Variants in ZNF678 observed in about 807,000 individuals in gnomAD.
The protein encoded by ZNF678 is hypothetical protein MGC42493.
A neutral mutation model predicts 3.0 loss-of-function variants in ZNF678; 5 were observed. The ratio of observed to expected loss-of-function variants is 1.69; its 90% CI spans 0.88 to 3.56. The LOEUF is 3.56. ZNF678 is among the 30% of genes most tolerant of loss of function. The probability of loss-of-function intolerance (pLI) is 0.00; values close to 1 mark genes in which losing one functional copy is unlikely to be tolerated. For synonymous variants in ZNF678, 218 were observed against 199.6 expected, an observed-to-expected ratio of 1.09 and a Z score of -0.78; for missense variants, 593 against 605.0, an observed-to-expected ratio of 0.98 and a Z score of 0.21.
downstream of ZNF678, among the ~76,000 whole-genome samples, chr1:227,666,871 A>G (rs998219118): frequency 2.0e-5 from 3 of 149,950 alleles, no homozygotes; most frequent in African/African-American, 7.4e-5. Context: ...CAGCATCCCA[A>G]GTAGCTGGGA....
intron 1 of ZNF678, among the ~76,000 whole-genome samples, chr1:227,610,698 C>G (rs2102759647): frequency 6.6e-6 from 1 of 152,232 alleles, no homozygotes; most frequent in East Asian, 1.9e-4. Flanking sequence ...TGGACCAAGC[C>G]CAAGTCTTTT....
At chr1:227,625,345 C>T (rs1162881253) in intron 1 of ZNF678, among the ~76,000 whole-genome samples, 1 of 152,110 alleles carries the variant, frequency 6.6e-6, no homozygotes, top group Non-Finnish European at 1.5e-5. Context: ...TAACTGCTTC[C>T]TGCTGAATTG....
chr1:227,568,808 T>G (rs1476580763), intron 1 of ZNF678, among the ~76,000 whole-genome samples: 4 of 151,864 alleles, frequency 2.6e-5, no homozygotes, highest in Non-Finnish European at 5.9e-5. Context: ...GCAAACTGAG[T>G]GGTGTCAGTA....
chr1:227,605,784 C>T (rs2999746), intron 1 of ZNF678, among the ~76,000 whole-genome samples: 72,657 of 151,998 alleles, frequency 0.48, 18,613 homozygotes, highest in African/African-American at 0.66. Context: ...TTTCATGAGA[C>T]TGGATATATT....
intron 1 of ZNF678, among the ~76,000 whole-genome samples, chr1:227,578,755 C>T (rs1317530001): frequency 6.6e-6 from 1 of 152,148 alleles, no homozygotes; most frequent in Non-Finnish European, 1.5e-5. Flanking sequence ...TCAGTGATCT[C>T]AGCTTGGTTC....
intron 1 of ZNF678, among the ~76,000 whole-genome samples, chr1:227,624,584 C>G (rs1322853304): frequency 6.6e-6 from 1 of 152,176 alleles, no homozygotes; most frequent in African/African-American, 2.4e-5. Flanking sequence ...GGCAGCAAGC[C>G]TTTTGTTCTC....
At chr1:227,635,599 G>A (rs144980571) in intron 1 of ZNF678, among the ~76,000 whole-genome samples, 1,568 of 147,896 alleles carry the variant, frequency 0.011, 39 homozygotes, top group African/African-American at 0.037. Flanking sequence ...CCTGAGTGCC[G>A]GCAGGCTGAG....
At chr1:227,570,091 T>C (rs1021169254) in intron 1 of ZNF678, among the ~76,000 whole-genome samples, 5 of 152,220 alleles carry the variant, frequency 3.3e-5, no homozygotes, top group African/African-American at 1.2e-4. Flanking sequence ...TATCATGTTT[T>C]TGGGCAGACT....
rs56226010 is a variant in ZNF678 at position 227,565,054 on chromosome 1, CTTTTTTTTTTTTTTT to C, written c.-164+1342_-164+1356del. On this transcript the variant is annotated intron_variant, in intron 1 of 3. Coordinates refer to ENST00000343776, the MANE Select transcript of ZNF678 (RefSeq NM_001367909.1). ...GGCCTGTTGTTTTTTCCCTACCCGG[CTTTTTTTTTTTTTTT>C]TTTTTTTTTTTGGTTGAGTTGGAGT... 8.5e-3 allele frequency among the ~76,000 whole-genome samples: 279 copies of C among 32,744 alleles called. 1 individual carries two copies. The highest frequency in any genetic ancestry group is 0.026 in the Middle Eastern group (1 of 38). 21.5% of individuals were successfully genotyped at this position (32,744 alleles called of 152,430 possible).
rs187039194 is a variant in ZNF678 at position 227,576,808 on chromosome 1, A to G, written c.-164+13084A>G. Among the ~76,000 whole-genome samples the G allele has an allele frequency of 1.2e-3, 180 of 151,812 alleles. 2 individuals carry two copies. In the South Asian group the frequency reaches 0.027, roughly 23 times the overall value. On this transcript the variant is annotated intron_variant, in intron 1 of 3. Transcript: ENST00000343776. ...GGGATTTGTACTTGGTTCTCTAGTC[A>G]TTTTAGTTGTGATGTTAGGTTGTTA... is the stretch of plus-strand genomic sequence containing the variant.
At chr1:227,649,005 C>A (rs1015121631) in intron 2 of ZNF678, among the ~76,000 whole-genome samples, 3 of 152,182 alleles carry the variant, frequency 2.0e-5, no homozygotes, top group Non-Finnish European at 2.9e-5. Context: ...AGCATAATGT[C>A]TTTCCAGTCC....
chr1:227,582,090 A>T (rs1390770086), intron 1 of ZNF678, among the ~76,000 whole-genome samples: 1 of 152,080 alleles, frequency 6.6e-6, no homozygotes. Context: ...TTGCATTGTT[A>T]TATTGCATTG....
At chr1:227,566,756 T>G (rs1656697831) in intron 1 of ZNF678, among the ~76,000 whole-genome samples, 1 of 152,218 alleles carries the variant, frequency 6.6e-6, no homozygotes, top group Admixed American at 6.5e-5. Flanking sequence ...ATGAACGTGG[T>G]GAATTCTAGG....
At chr1:227,611,890 A>G (rs922964980) in intron 1 of ZNF678, among the ~76,000 whole-genome samples, 7 of 152,190 alleles carry the variant, frequency 4.6e-5, no homozygotes, top group Non-Finnish European at 8.8e-5. Context: ...CTAGCAAACC[A>G]GGTGCTGCTA....
At chr1:227,615,135 C>G (rs1658112380) in intron 1 of ZNF678, among the ~76,000 whole-genome samples, 1 of 152,158 alleles carries the variant, frequency 6.6e-6, no homozygotes, top group Non-Finnish European at 1.5e-5. Context: ...AAAGGTCTGA[C>G]TGATTGTCAG....
In ZNF678 at chr1:227,658,112, T is replaced by C. The variant is rs904090015; in HGVS notation, c.*2284T>C. 1 of 152,052 alleles carries C rather than the reference T, an allele frequency of 6.6e-6. No homozygotes were observed. The highest frequency in any genetic ancestry group is 1.5e-5 in the Non-Finnish European group (1 of 67,940). The allele number at this position is 152,052 out of a possible 1,614,324, so 9.4% of individuals were successfully genotyped here. On this transcript the variant is annotated 3_prime_UTR_variant, in exon 4 of 4. Transcript: ENST00000343776. ...GTGTTACTACATTTTATTTAATTAG[T>C]ATATTTTATTTTTGTATTTCAATTG...
intron 1 of ZNF678, among the ~76,000 whole-genome samples, chr1:227,640,674 A>G (rs1038702670): frequency 6.6e-6 from 1 of 152,194 alleles, no homozygotes; most frequent in African/African-American, 2.4e-5. Flanking sequence ...TCTAATTCGT[A>G]CTGCGGCCAG....
intron 5 of ZNF678, among the ~76,000 whole-genome samples, chr1:227,671,806 A>T (rs1347321041): frequency 2.0e-5 from 3 of 152,216 alleles, no homozygotes; most frequent in Non-Finnish European, 4.4e-5. Context: ...TGCCTCCATA[A>T]AGGTGAATTT....
At chr1:227,613,140 C>T (rs1267427980) in intron 1 of ZNF678, among the ~76,000 whole-genome samples, 1 of 152,192 alleles carries the variant, frequency 6.6e-6, no homozygotes, top group Non-Finnish European at 1.5e-5. Flanking sequence ...CTTCTTGTCA[C>T]CAATATCTGC....
Sources: gnomAD v4.1 joint callset for allele counts (sites outside exome capture counted in the v4.1 genomes callset) on GRCh38, gnomAD v4.1.1 for gene constraint, MANE v1.5 for transcripts, NCBI Gene and HGNC (gene_info 2026-07-23, HGNC 2026-07-21) for gene names.